NOL9: variants seen among roughly 807,000 people sequenced by gnomAD.
The protein encoded by NOL9 is polynucleotide 5'-hydroxyl-kinase NOL9.
In NOL9, 28 loss-of-function variants were observed where a neutral mutation model predicts 67.9. The observed-to-expected ratio is 0.41, with a 90% CI of 0.31 to 0.57. The LOEUF is 0.57. NOL9 is among the 20% of genes least tolerant of loss of function. The pLI is 0.25. For synonymous variants in NOL9, 356 were observed against 352.2 expected, an observed-to-expected ratio of 1.01 and a Z score of -0.12; for missense variants, 777 against 897.0, an observed-to-expected ratio of 0.87 and a Z score of 1.71.
intron 2 of NOL9, 32 bp downstream of exon 2, chr1:6,550,364 C>T (rs1001525810): frequency 6.4e-7 from 1 of 1,567,332 alleles, no homozygotes; most frequent in Non-Finnish European, 8.8e-7. Context: ...TTACAGTAGG[C>T]CCTCAGTAAA....
In NOL9 at chr1:6,529,133, A is replaced by G; in HGVS notation, c.1686T>C (p.Ser562=). ...FNAVALRITH[S]DVAPTHILYA... ...ATAGTATATGGGTAGGGGCGACATC[A>G]GAGTGGGTAATCCGGAGTGCGACTG... The change falls in exon 10 of 12, where the codon TCT becomes TCC. Residue 562 remains serine, a synonymous_variant. Coordinates refer to ENST00000377705, the MANE Select transcript of NOL9 (RefSeq NM_024654.5). 2 of 1,614,080 alleles carry G rather than the reference A, an allele frequency of 1.2e-6. No individual in the cohort carries two copies. Among genetic ancestry groups the G allele is most frequent in the African/African-American group, 1.3e-5 (1 of 75,032 alleles).
rs2148646779 is a variant in NOL9 at position 6,525,157 on chromosome 1, T to G, written c.*697A>C. The stretch of plus-strand genomic sequence containing the variant: ...AAACCCGTTTAAATTTTTCTTTTCT[T>G]TTTTAAAAGATAAGGTCTTACTCTG... On this transcript the variant is annotated 3_prime_UTR_variant, in exon 12 of 12. Coordinates refer to ENST00000377705, the MANE Select transcript of NOL9 (RefSeq NM_024654.5). 6.6e-6 allele frequency: 1 copy of G among 152,214 alleles called. No individual in the cohort carries two copies. Among genetic ancestry groups the G allele is most frequent in the African/African-American group, 2.4e-5 (1 of 41,538 alleles). The allele number at this position is 152,214 out of a possible 1,614,324, so 9.4% of individuals were successfully genotyped here.
At chr1:6,526,377 C>T (rs972631586) in intron 11 of NOL9, among the ~76,000 whole-genome samples, 10 of 152,146 alleles carry the variant, frequency 6.6e-5, no homozygotes, top group Admixed American at 6.5e-4. Flanking sequence ...GACCTGGTCC[C>T]GTGATGCCTC....
Position 6,549,661 on chromosome 1 carries a change from C to T in NOL9, c.654G>A (p.Gln218=), listed in dbSNP as rs1328150943. 6.2e-7 allele frequency: 1 copy of T among 1,614,130 alleles called. No homozygotes were observed. Among genetic ancestry groups the T allele is most frequent in the Non-Finnish European group, 8.5e-7 (1 of 1,180,014 alleles). Residue 218 remains glutamine, a synonymous_variant, in exon 3 of 12, where the codon CAG becomes CAA. Coordinates refer to ENST00000377705, the MANE Select transcript of NOL9 (RefSeq NM_024654.5). ...GATGTTCTAGCAACACAATGGAACACTGAGGAGAAAAATTCTGCATCGACC... is the reference window on the plus strand; with the variant it reads ...GATGTTCTAGCAACACAATGGAACATTGAGGAGAAAAATTCTGCATCGACC... ...RRWSMQNFSP[Q]CSIVLLEHLK...
intron 6 of NOL9, among the ~76,000 whole-genome samples, chr1:6,535,928 C>A (rs1441278019): frequency 6.9e-4 from 95 of 137,876 alleles, no homozygotes; most frequent in Admixed American, 8.1e-4. Flanking sequence ...AACTCCATCT[C>A]AAAAAAAAAA....
chr1:6,530,116 ACT>A (rs962289968), intron 9 of NOL9, among the ~76,000 whole-genome samples: 3 of 151,784 alleles, frequency 2.0e-5, no homozygotes, highest in East Asian at 1.9e-4. Context: ...AAAGAGAGAG[ACT>A]CTGTCTCCAA....
At chr1:6,532,136 C>T (rs1429485824) in intron 8 of NOL9, 57 bp from the exon 9 acceptor site, 14 of 1,280,862 alleles carry the variant, frequency 1.1e-5, no homozygotes, top group Non-Finnish European at 1.6e-5. Context: ...GGCCACCTCC[C>T]ACACCTGTCA....
chr1:6,546,100 C>T (rs1639417293), intron 3 of NOL9, among the ~76,000 whole-genome samples: 2 of 151,402 alleles, frequency 1.3e-5, no homozygotes, highest in Admixed American at 6.6e-5. Flanking sequence ...GAATATCTAA[C>T]AAAATTAGAT....
At chr1:6,546,710 C>A (rs1639428355) in intron 3 of NOL9, among the ~76,000 whole-genome samples, 1 of 152,194 alleles carries the variant, frequency 6.6e-6, no homozygotes, top group East Asian at 1.9e-4. Context: ...TTACCTCCCC[C>A]TTCCTCTGGA....
intron 3 of NOL9, among the ~76,000 whole-genome samples, chr1:6,546,709 C>G (rs906365646): frequency 5.3e-5 from 8 of 152,154 alleles, no homozygotes; most frequent in Non-Finnish European, 1.0e-4. Flanking sequence ...GTTACCTCCC[C>G]CTTCCTCTGG....
intron 1 of NOL9, among the ~76,000 whole-genome samples, chr1:6,553,715 G>C (rs1165286096): frequency 2.6e-5 from 4 of 151,996 alleles, no homozygotes; most frequent in African/African-American, 7.3e-5. Flanking sequence ...GGTGGCACGC[G>C]CCTGTAGTCC....
intron 11 of NOL9, among the ~76,000 whole-genome samples, 172 bp downstream of exon 11, chr1:6,526,524 T>C (rs1023660550): frequency 6.6e-6 from 1 of 152,192 alleles, no homozygotes; most frequent in Non-Finnish European, 1.5e-5. Context: ...CAGTGATTCA[T>C]AGTCTCAGGC....
At chr1:6,547,149 C>A (rs1400291064) in intron 3 of NOL9, among the ~76,000 whole-genome samples, 2 of 152,236 alleles carry the variant, frequency 1.3e-5, no homozygotes, top group African/African-American at 4.8e-5. Flanking sequence ...TTGTTTCTAT[C>A]TATTCAACTC....
Position 6,554,468 on chromosome 1 carries a change from G to T in NOL9, c.35C>A (p.Ser12Tyr). 1 of 1,550,806 alleles carries T rather than the reference G, an allele frequency of 6.4e-7. No homozygotes were observed. Among genetic ancestry groups the T allele is most frequent in the Non-Finnish European group, 8.6e-7 (1 of 1,160,768 alleles). The change falls in exon 1 of 12, where the codon TCC becomes TAC. Residue 12 changes from serine to tyrosine, a missense_variant. Around this residue, in one of 2 missense-constraint regions of NOL9, gnomAD observed 364 missense variants for 344.4 expected, o/e 1.06. Transcript: ENST00000377705. ...ADSGLLLKRG[S>Y]CRSTWLRVRK... ...GACCCGCAGCCAAGTGGAACGGCAG[G>T]AACCCCGCTTTAGCAGCAGTCCCGA... is the stretch of plus-strand genomic sequence containing the variant.
chr1:6,528,655 C>T (rs570137778), intron 10 of NOL9, among the ~76,000 whole-genome samples: 23 of 152,294 alleles, frequency 1.5e-4, no homozygotes, highest in African/African-American at 4.3e-4. Context: ...GGAACGCAGA[C>T]GAACAGCTGT....
intron 6 of NOL9, among the ~76,000 whole-genome samples, chr1:6,537,219 A>G (rs1199905273): frequency 6.6e-6 from 1 of 152,058 alleles, no homozygotes; most frequent in African/African-American, 2.4e-5. Context: ...AGATATCCTT[A>G]TCAAACACCA....
rs531133032 is a variant in NOL9, at chr1:6,546,192, G to T, written c.745-1012C>A. Among the ~76,000 whole-genome samples the T allele has an allele frequency of 2.0e-5, 3 of 152,282 alleles. No individual in the cohort carries two copies. In the South Asian group the frequency reaches 6.2e-4, roughly 32 times the overall value. On this transcript the variant is annotated intron_variant, in intron 3 of 11. Transcript: ENST00000377705. ...TCCAGAGGGTGGGATAGGGAGGGAA[G>T]TATCCAAGAAAGAGCATAAGAAATA...
rs779947942 is a variant in NOL9 at position 6,554,263 on chromosome 1, G to T, written c.240C>A (p.Thr80=). 2.7e-6 allele frequency: 4 copies of T among 1,484,010 alleles called. No individual in the cohort carries two copies. In the Admixed American group the frequency reaches 9.6e-5, roughly 35 times the overall value. The allele number at this position is 1,484,010 out of a possible 1,614,324, so 91.9% of individuals were successfully genotyped here. A position where few individuals can be genotyped will look rare whatever the true frequency, so the allele number is the denominator to read the frequency against. Residue 80 remains threonine, a synonymous_variant, in exon 1 of 12, where the codon ACC becomes ACA. Transcript: ENST00000377705. ...SRAAAARRPN[T]ATPSPIPSPT... is the part of the protein sequence containing the mutation. ...GGCTAGGGATCGGGCTGGGGGTCGC[G>T]GTGTTGGGTCTCCGGGCCGCCGCCG...
rs1638963083 is a variant in NOL9 at position 6,529,225 on chromosome 1, T to TTCA, written c.1648-55_1648-54insTGA. ...TTCATGGCTACTTTGAAAGACCACT[T>TTCA]AATTTCTACAACTAGATTAACCAGC... On this transcript the variant is annotated intron_variant, in intron 9 of 11. Transcript: ENST00000377705. 1.1e-5 allele frequency: 16 copies of TTCA among 1,489,580 alleles called. No individual in the cohort carries two copies. In the African/African-American group the frequency reaches 2.2e-4, roughly 21 times the overall value. 92.3% of individuals were successfully genotyped at this position (1,489,580 alleles called of 1,614,324 possible).
Sources: gnomAD v4.1 joint callset for allele counts (sites outside exome capture counted in the v4.1 genomes callset) on GRCh38, gnomAD v4.1.1 for gene constraint, gnomAD v4.1.1 regional missense constraint, MANE v1.5 for transcripts, NCBI Gene and HGNC (gene_info 2026-07-23, HGNC 2026-07-21) for gene names.